Variants in ZMYM4 observed in about 807,000 individuals in gnomAD.
ZMYM4 encodes zinc finger MYM-type containing 4, also known as zinc finger MYM-type protein 4.
A neutral mutation model predicts 183.2 loss-of-function variants in ZMYM4; 31 were observed. The ratio of observed to expected loss-of-function variants is 0.17; its 90% CI spans 0.13 to 0.23. The LOEUF (loss-of-function observed/expected upper bound fraction) is 0.23, where lower values mean the gene tolerates loss of function less well. ZMYM4 is among the 10% of genes least tolerant of loss of function. The probability of loss-of-function intolerance (pLI) is 1.00; values close to 1 mark genes in which losing one functional copy is unlikely to be tolerated. For synonymous variants in ZMYM4, 592 were observed against 631.2 expected (o/e 0.94, Z 0.93); for missense variants, 1,273 against 1,840.3 (o/e 0.69, Z 5.64).
At chr1:35,304,938 C>G (rs1158172932) in intron 1 of ZMYM4, among the ~76,000 whole-genome samples, 1 of 152,076 alleles carries the variant, frequency 6.6e-6, no homozygotes, top group African/African-American at 2.4e-5. Context: ...TTCTGACTGC[C>G]TGGTTCAAGC....
chr1:35,404,786 G>A, intron 23 of ZMYM4: 1 of 337,684 alleles, frequency 3.0e-6, no homozygotes, highest in Non-Finnish European at 5.3e-6. Context: ...ATACCCAAAT[G>A]TTAGTGATTA....
intron 1 of ZMYM4, among the ~76,000 whole-genome samples, chr1:35,312,896 A>G (rs1286648284): frequency 6.6e-6 from 1 of 151,788 alleles, no homozygotes; most frequent in Non-Finnish European, 1.5e-5. Context: ...TTCTTTTATT[A>G]TTATTATTGT....
chr1:35,353,522 A>T (rs1321272462), intron 2 of ZMYM4, among the ~76,000 whole-genome samples: 1 of 152,092 alleles, frequency 6.6e-6, no homozygotes, highest in Non-Finnish European at 1.5e-5. Flanking sequence ...TCATACATGC[A>T]ATTCCAGCCA....
intron 18 of ZMYM4, among the ~76,000 whole-genome samples, chr1:35,394,604 TG>T (rs934449521): frequency 1.3e-5 from 2 of 152,124 alleles, no homozygotes; most frequent in Admixed American, 6.5e-5. Flanking sequence ...TGAATTGAGC[TG>T]GGGGGATAAA....
chr1:35,327,910 G>A (rs1247847383), intron 2 of ZMYM4, among the ~76,000 whole-genome samples: 1 of 152,112 alleles, frequency 6.6e-6, no homozygotes, highest in Non-Finnish European at 1.5e-5. Flanking sequence ...ATTATCTGTG[G>A]TCAGGGAAAC....
chr1:35,377,789 G>A (rs967533131), intron 7 of ZMYM4, among the ~76,000 whole-genome samples: 2 of 152,188 alleles, frequency 1.3e-5, no homozygotes, highest in African/African-American at 4.8e-5. Context: ...CAGGGTGATG[G>A]TTGCTGAAGG....
At chr1:35,290,465 C>T (rs560518359) in intron 1 of ZMYM4, among the ~76,000 whole-genome samples, 81 of 151,242 alleles carry the variant, frequency 5.4e-4, no homozygotes, top group Admixed American at 2.0e-3. Flanking sequence ...AGACGGGATC[C>T]GGCTCTGTCA....
At chr1:35,285,358 G>A (rs1016614200) in intron 1 of ZMYM4, among the ~76,000 whole-genome samples, 4 of 152,008 alleles carry the variant, frequency 2.6e-5, no homozygotes, top group African/African-American at 9.7e-5. Context: ...TTTCAGCAAT[G>A]TTTTGTACAG....
intron 5 of ZMYM4, among the ~76,000 whole-genome samples, chr1:35,368,502 G>A (rs1238248496): frequency 6.6e-6 from 1 of 152,032 alleles, no homozygotes; most frequent in Admixed American, 6.6e-5. Flanking sequence ...TGTACTTTTT[G>A]TAAATGAACA....
intron 1 of ZMYM4, among the ~76,000 whole-genome samples, chr1:35,290,203 A>T (rs1640693619): frequency 6.6e-6 from 1 of 152,148 alleles, no homozygotes; most frequent in Admixed American, 6.5e-5. Flanking sequence ...CCTGACCTCA[A>T]GTGATCCACC....
intron 2 of ZMYM4, among the ~76,000 whole-genome samples, chr1:35,352,690 G>A (rs645886): frequency 0.33 from 50,173 of 151,936 alleles, 13,988 homozygotes; most frequent in East Asian, 0.77. Flanking sequence ...TATTTTCTTC[G>A]TTAGCTTCTA....
At chr1:35,347,561 GT>G (rs931002793) in intron 2 of ZMYM4, among the ~76,000 whole-genome samples, 10 of 152,010 alleles carry the variant, frequency 6.6e-5, no homozygotes. Context: ...TAAAAATTAG[GT>G]TTAGGGCTTG....
At chr1:35,345,674 T>C (rs1643366362) in intron 2 of ZMYM4, among the ~76,000 whole-genome samples, 1 of 152,230 alleles carries the variant, frequency 6.6e-6, no homozygotes, top group Non-Finnish European at 1.5e-5. Context: ...CTTGAATTCC[T>C]GGGCTCAATC....
chr1:35,304,056 G>A (rs1264466507), intron 1 of ZMYM4, among the ~76,000 whole-genome samples: 1 of 149,062 alleles, frequency 6.7e-6, no homozygotes, highest in Non-Finnish European at 1.5e-5. Context: ...ACGGAGTTTC[G>A]CGCTGTCGCC....
At chr1:35,411,389 T>C (rs1049753481) in intron 26 of ZMYM4, among the ~76,000 whole-genome samples, 1 of 151,886 alleles carries the variant, frequency 6.6e-6, no homozygotes, top group African/African-American at 2.4e-5. Flanking sequence ...TCTCATGACC[T>C]TGTGATCCGC....
intron 26 of ZMYM4, among the ~76,000 whole-genome samples, chr1:35,412,962 A>G (rs575279754): frequency 3.9e-5 from 6 of 152,278 alleles, no homozygotes; most frequent in African/African-American, 1.4e-4. Flanking sequence ...AAATACTTTT[A>G]TCACGTAATT....
At chr1:35,335,460 C>T (rs1374532678) in intron 2 of ZMYM4, among the ~76,000 whole-genome samples, 2 of 152,100 alleles carry the variant, frequency 1.3e-5, no homozygotes, top group Admixed American at 6.5e-5. Context: ...TGATCTCAAA[C>T]TCCTGACCAG....
At chr1:35,278,731 C>G (rs1265902032) in intron 1 of ZMYM4, among the ~76,000 whole-genome samples, 1 of 152,096 alleles carries the variant, frequency 6.6e-6, no homozygotes, top group Admixed American at 6.6e-5. Context: ...ACAGCATGAA[C>G]TCTTAAGTCC....
At chr1:35,375,148 C>T (rs1644307741) in intron 7 of ZMYM4, among the ~76,000 whole-genome samples, 1 of 151,948 alleles carries the variant, frequency 6.6e-6, no homozygotes, top group Admixed American at 6.6e-5. Flanking sequence ...CATCTTCTTT[C>T]TTACTTTTCT....
Sources: gnomAD v4.1 joint callset for allele counts (sites outside exome capture counted in the v4.1 genomes callset) on GRCh38, gnomAD v4.1.1 for gene constraint, MANE v1.5 for transcripts, NCBI Gene and HGNC (gene_info 2026-07-23, HGNC 2026-07-21) for gene names.